GPHN: variants seen among roughly 807,000 people sequenced by gnomAD.
GPHN encodes the protein gephyrin.
A neutral mutation model predicts 95.5 loss-of-function variants in GPHN; 17 were observed. That is an observed-to-expected ratio of 0.18 (90% CI 0.12 to 0.27). GPHN has a LOEUF of 0.27. Ranked by LOEUF, GPHN falls within the 10% of genes least tolerant of loss-of-function variation. The pLI is 1.00. For synonymous variants in GPHN, 320 were observed against 322.5 expected (o/e 0.99, Z 0.08); for missense variants, 660 against 978.1 (o/e 0.67, Z 4.34).
At chr14:66,642,118 A>T (rs1045102167) in intron 1 of GPHN, among the ~76,000 whole-genome samples, 5 of 152,170 alleles carry the variant, frequency 3.3e-5, no homozygotes, top group African/African-American at 7.2e-5. Flanking sequence ...GCCTTCAAAG[A>T]TATCCAGCCC....
At chr14:66,561,935 A>G (rs368339772) in intron 1 of GPHN, among the ~76,000 whole-genome samples, 2 of 149,102 alleles carry the variant, frequency 1.3e-5, no homozygotes, top group South Asian at 2.1e-4. Context: ...ACCTTAGCTC[A>G]TGGCCTCTTT....
At chr14:67,133,962 A>G (rs1014295792) in intron 17 of GPHN, among the ~76,000 whole-genome samples, 7 of 152,232 alleles carry the variant, frequency 4.6e-5, no homozygotes, top group Non-Finnish European at 7.3e-5. Flanking sequence ...CAAAAATGAA[A>G]GGGAGAAGAG....
At chr14:67,089,140 T>TC (rs1251062707) in intron 12 of GPHN, 65 bp downstream of exon 12, 37 of 366,940 alleles carry the variant, frequency 1.0e-4, no homozygotes, top group East Asian at 5.2e-4. Context: ...TTTCTTTTTT[T>TC]TTTTTTTTTT....
chr14:67,305,453 T>C, the GPHN span, among the ~76,000 whole-genome samples: 1 of 152,170 alleles, frequency 6.6e-6, no homozygotes, highest in African/African-American at 2.4e-5. Flanking sequence ...CTAATTTTTT[T>C]GTACTTTTGG....
the GPHN span, among the ~76,000 whole-genome samples, chr14:67,377,749 T>G: frequency 3.9e-5 from 6 of 152,026 alleles, no homozygotes; most frequent in East Asian, 1.2e-3. Context: ...ATTTATACTA[T>G]AAAACCCACT....
intron 2 of GPHN, among the ~76,000 whole-genome samples, chr14:66,717,703 T>C (rs1246783769): frequency 6.6e-6 from 1 of 152,158 alleles, no homozygotes; most frequent in Non-Finnish European, 1.5e-5. Context: ...GGGTTTCCCT[T>C]GATATAGTAC....
At chr14:67,091,073 G>A (rs2077128418) in intron 12 of GPHN, among the ~76,000 whole-genome samples, 1 of 151,542 alleles carries the variant, frequency 6.6e-6, no homozygotes, top group African/African-American at 2.4e-5. Context: ...CTGAAAAATG[G>A]CTAACATTTG....
At chr14:66,713,316 G>A (rs1322361562) in intron 2 of GPHN, among the ~76,000 whole-genome samples, 3 of 152,174 alleles carry the variant, frequency 2.0e-5, no homozygotes, top group African/African-American at 7.2e-5. Flanking sequence ...TTTGTGTAAG[G>A]TGAGAGATGA....
Position 66,599,392 on chromosome 14 carries a change from A to ATTTTTTT in GPHN, c.65-81705_65-81699dup, listed in dbSNP as rs765267813. 6.5e-5 allele frequency among the ~76,000 whole-genome samples: 5 copies of ATTTTTTT among 76,522 alleles called. 1 individual carries two copies. The highest frequency in any genetic ancestry group is 2.8e-4 in the Admixed American group (2 of 7,020). The allele number at this position is 76,522 out of a possible 152,430, so 50.2% of individuals were successfully genotyped here. ...TCTCTGATTTTACATTTTTTTTTGCATTTTTTTTTTTTTTTTGCTAGATGC... is the reference window on the plus strand; with the variant it reads ...TCTCTGATTTTACATTTTTTTTTGCATTTTTTTTTTTTTTTTTTTTTTTGCTAGATGC... On this transcript the variant is annotated intron_variant, in intron 1 of 22. Coordinates refer to ENST00000478722, the MANE Select transcript of GPHN (RefSeq NM_020806.5).
the GPHN span, among the ~76,000 whole-genome samples, chr14:67,427,558 C>G: frequency 6.6e-6 from 1 of 152,232 alleles, no homozygotes; most frequent in African/African-American, 2.4e-5. Context: ...GCCCAGGGCT[C>G]TACCCACCGG....
the GPHN span, among the ~76,000 whole-genome samples, chr14:67,631,763 G>T: frequency 6.6e-6 from 1 of 151,982 alleles, no homozygotes; most frequent in East Asian, 1.9e-4. Context: ...CTTCTTACAT[G>T]TCAGTGTTCT....
chr14:66,974,946 G>A (rs193011380), intron 9 of GPHN, among the ~76,000 whole-genome samples: 12 of 151,972 alleles, frequency 7.9e-5, no homozygotes, highest in Non-Finnish European at 1.6e-4. Flanking sequence ...TTGCTTCATA[G>A]GGTTGTCTTA....
At chr14:67,102,102 G>T (rs2077737726) in intron 13 of GPHN, among the ~76,000 whole-genome samples, 3 of 151,814 alleles carry the variant, frequency 2.0e-5, no homozygotes, top group Admixed American at 2.0e-4. Flanking sequence ...TCGATCTCCT[G>T]ACCTCGTGAT....
chr14:66,525,104 C>G (rs1272458670), intron 1 of GPHN, among the ~76,000 whole-genome samples: 2 of 152,056 alleles, frequency 1.3e-5, no homozygotes, highest in Non-Finnish European at 2.9e-5. Flanking sequence ...AACTAATTTA[C>G]ACTCCCAAGA....
intron 2 of GPHN, among the ~76,000 whole-genome samples, chr14:66,750,754 G>A (rs1460913567): frequency 6.6e-6 from 1 of 151,912 alleles, no homozygotes; most frequent in East Asian, 1.9e-4. Flanking sequence ...ATCAAGGTTT[G>A]ATTAAACCGG....
chr14:66,676,604 C>T (rs905645057), intron 1 of GPHN, among the ~76,000 whole-genome samples: 1 of 150,266 alleles, frequency 6.7e-6, no homozygotes, highest in Non-Finnish European at 1.5e-5. Flanking sequence ...TGATGTAGCA[C>T]ATCTATTGAT....
At chr14:66,555,419 A>G (rs1181917761) in intron 1 of GPHN, among the ~76,000 whole-genome samples, 1 of 152,190 alleles carries the variant, frequency 6.6e-6, no homozygotes, top group African/African-American at 2.4e-5. Context: ...CCTCACATCT[A>G]TCACAATGTG....
chr14:67,444,445 C>T, the GPHN span, among the ~76,000 whole-genome samples: 1 of 152,152 alleles, frequency 6.6e-6, no homozygotes. Context: ...ATAATCATCC[C>T]AGCCAATTTA....
intron 2 of GPHN, among the ~76,000 whole-genome samples, chr14:66,742,581 G>T (rs1032422809): frequency 5.3e-5 from 8 of 152,118 alleles, no homozygotes; most frequent in Non-Finnish European, 7.4e-5. Context: ...ACAGTTTTTA[G>T]CAGCCATGAT....
Sources: gnomAD v4.1 joint callset for allele counts (sites outside exome capture counted in the v4.1 genomes callset) on GRCh38, gnomAD v4.1.1 for gene constraint, MANE v1.5 for transcripts, NCBI Gene and HGNC (gene_info 2026-07-23, HGNC 2026-07-21) for gene names.